The following ZBTB10 variants were observed in gnomAD, a reference collection of about 807,000 sequenced individuals.
ZBTB10 encodes zinc finger and BTB domain containing 10, also known as zinc finger and BTB domain-containing protein 10.
A neutral mutation model predicts 76.4 loss-of-function variants in ZBTB10; 32 were observed. The ratio of observed to expected loss-of-function variants is 0.42; its 90% CI spans 0.32 to 0.56. The LOEUF is 0.56. Ranked by LOEUF, ZBTB10 falls within the 20% of genes least tolerant of loss-of-function variation. The pLI, the probability that ZBTB10 is intolerant of heterozygous loss-of-function variation, is 0.14. For synonymous variants in ZBTB10, 523 were observed against 432.9 expected (o/e 1.21, Z -2.58); for missense variants, 1,057 against 1,098.5 (o/e 0.96, Z 0.53).
rs906353946 is a variant in ZBTB10 at position 80,520,290 on chromosome 8, T to A, written c.*762T>A. On this transcript the variant is annotated 3_prime_UTR_variant, in exon 6 of 6. Coordinates refer to ENST00000455036, the MANE Select transcript of ZBTB10 (RefSeq NM_001105539.3). ...AGTTGACAAATACCACTAAAATGAT[T>A]ATGATTTAGAAGTAACTTTCTTCTG... The A allele has an allele frequency of 2.0e-5, 3 of 152,530 alleles. No homozygotes were observed. The highest frequency in any genetic ancestry group is 4.4e-5 in the Non-Finnish European group (3 of 67,982). 9.4% of individuals were successfully genotyped at this position (152,530 alleles called of 1,614,324 possible).
At position 80,487,343 on chromosome 8, in the gene ZBTB10, C is replaced by T. The variant is rs1220640158; in HGVS notation, c.533C>T (p.Ala178Val). 3 of 1,529,944 alleles carry T rather than the reference C, an allele frequency of 2.0e-6. No individual in the cohort carries two copies. The highest frequency in any genetic ancestry group is 4.1e-5 in the Admixed American group (2 of 49,048). 94.8% of individuals were successfully genotyped at this position (1,529,944 alleles called of 1,614,324 possible). ...GGGAAGGAGTTGATGCAGGACGGCG[C>T]GTCCCTGAGCGACAGCACCGAGGAC... ...LEGKELMQDG[A>V]SLSDSTEDEE... is the part of the protein sequence containing the mutation. Residue 178 changes from alanine (A) to valine (V), a missense_variant, in exon 1 of 6, where the codon GCG becomes GTG. Physicochemically the swap from Ala to Val is moderately conservative, Grantham distance 64. Coordinates refer to ENST00000455036, the MANE Select transcript of ZBTB10 (RefSeq NM_001105539.3).
At chr8:80,507,752 C>T (rs1816096721) in intron 2 of ZBTB10, among the ~76,000 whole-genome samples, 1 of 152,092 alleles carries the variant, frequency 6.6e-6, no homozygotes, top group African/African-American at 2.4e-5. Context: ...TGGGCCACCA[C>T]TCTTGGCTAA....
Position 80,487,392 on chromosome 8 carries a change from C to T in ZBTB10, c.582C>T (p.Gly194=). The change falls in exon 1 of 6, where the codon GGC becomes GGT. Residue 194 remains glycine, a synonymous_variant. Coordinates refer to ENST00000455036, the MANE Select transcript of ZBTB10 (RefSeq NM_001105539.3). ...ACGAGGAGGAGGGGGCGAGCCTGGG[C>T]GACGGCAGCGGGGCGGAAGGCGGCA... The part of the protein sequence containing the change: ...TEDEEEGASL[G]DGSGAEGGSC... The T allele has an allele frequency of 2.6e-6, 4 of 1,532,896 alleles. No homozygotes were observed. The highest frequency in any genetic ancestry group is 2.7e-5 in the African/African-American group (2 of 72,764). The allele number at this position is 1,532,896 out of a possible 1,614,324, so 95.0% of individuals were successfully genotyped here.
chr8:80,497,523 G>T (rs909392203), intron 1 of ZBTB10, among the ~76,000 whole-genome samples: 2 of 151,840 alleles, frequency 1.3e-5, no homozygotes, highest in Admixed American at 1.3e-4. Flanking sequence ...TATGCACTTG[G>T]CACAAGAAGG....
Position 80,486,304 on chromosome 8 carries a change from G to T in ZBTB10, c.-507G>T. 9.9e-7 allele frequency: 1 copy of T among 1,009,840 alleles called. No individual in the cohort carries two copies. The highest frequency in any genetic ancestry group is 1.2e-6 in the Non-Finnish European group (1 of 846,994). 62.6% of individuals were successfully genotyped at this position (1,009,840 alleles called of 1,614,324 possible). A position where few individuals can be genotyped will look rare whatever the true frequency, so the allele number is the denominator to read the frequency against. On this transcript the variant is annotated 5_prime_UTR_variant, in exon 1 of 6. Coordinates refer to ENST00000455036, the MANE Select transcript of ZBTB10 (RefSeq NM_001105539.3). ...TTTATTGTCGCTTCGTTATGTGGCGGAGCCGAGCAGTTTAGCGTGCCTCTC... is the reference window on the plus strand; with the variant it reads ...TTTATTGTCGCTTCGTTATGTGGCGTAGCCGAGCAGTTTAGCGTGCCTCTC...
At chr8:80,493,071 A>G (rs1465637238) in intron 1 of ZBTB10, among the ~76,000 whole-genome samples, 13 of 151,674 alleles carry the variant, frequency 8.6e-5, no homozygotes, top group Admixed American at 8.5e-4. Flanking sequence ...AAAATAAGCC[A>G]GGCGTGGTGG....
At chr8:80,517,358 A>G (rs1049615169) in intron 3 of ZBTB10, among the ~76,000 whole-genome samples, 8 of 152,178 alleles carry the variant, frequency 5.3e-5, no homozygotes, top group African/African-American at 1.4e-4. Context: ...ATATATTCCT[A>G]TTGCCAAAAG....
chr8:80,486,606 A>C lies in ZBTB10; in HGVS notation c.-205A>C. On this transcript the variant is annotated 5_prime_UTR_variant, in exon 1 of 6. Coordinates refer to ENST00000455036, the MANE Select transcript of ZBTB10 (RefSeq NM_001105539.3). ...GAGCGGTCGGAGGCGTCGGCCCGGC[A>C]GCGGCAGCGGCAGCGGACGCGTGCA... is the stretch of plus-strand genomic sequence containing the variant. The C allele has an allele frequency of 5.1e-6, 5 of 986,166 alleles. No homozygotes were observed. The highest frequency in any genetic ancestry group is 6.0e-6 in the Non-Finnish European group (5 of 831,034). 61.1% of individuals were successfully genotyped at this position (986,166 alleles called of 1,614,324 possible).
chr8:80,518,760 T>C (rs978220881), intron 4 of ZBTB10, 22 bp from the exon 5 acceptor site: 13 of 1,588,088 alleles, frequency 8.2e-6, no homozygotes, highest in Non-Finnish European at 1.1e-5. Flanking sequence ...ATAAGCACTT[T>C]CTCTTTTTTT....
At chr8:80,492,189 T>C (rs1160201223) in intron 1 of ZBTB10, among the ~76,000 whole-genome samples, 1 of 152,248 alleles carries the variant, frequency 6.6e-6, no homozygotes, top group Non-Finnish European at 1.5e-5. Context: ...ACATTATTTA[T>C]AATTTATTCT....
Position 80,486,920 on chromosome 8 carries a change from C to A in ZBTB10, c.110C>A (p.Ala37Asp), listed in dbSNP as rs1163628523. Residue 37 changes from alanine to aspartate, a missense_variant, in exon 1 of 6, where the codon GCT becomes GAT. By Grantham distance (126) the Ala-to-Asp change is moderately radical. Around this residue, in one of 5 missense-constraint regions of ZBTB10, gnomAD observed 556 missense variants for 451.7 expected, o/e 1.23. Transcript: ENST00000455036. ...TNNNAGGEAS[A>D]WPPQPQPRQP... ...AATAACGCTGGCGGGGAGGCCTCAG[C>A]TTGGCCTCCGCAGCCCCAGCCGAGA... is the stretch of plus-strand genomic sequence containing the variant. The A allele has an allele frequency of 1.3e-6, 2 of 1,508,508 alleles. No individual in the cohort carries two copies. The highest frequency in any genetic ancestry group is 2.1e-5 in the Admixed American group (1 of 47,890). 93.4% of individuals were successfully genotyped at this position (1,508,508 alleles called of 1,614,324 possible).
intron 3 of ZBTB10, among the ~76,000 whole-genome samples, chr8:80,515,539 A>G (rs192735115): frequency 6.6e-6 from 1 of 152,366 alleles, no homozygotes; most frequent in East Asian, 1.9e-4. Flanking sequence ...TTGCTCGTAC[A>G]GAAAGTTGCT....
At position 80,522,222 on chromosome 8, in the gene ZBTB10, TGATA is replaced by T. The variant is rs1816463287; in HGVS notation, c.*2699_*2702del. 1 of 151,906 alleles carries T rather than the reference TGATA, an allele frequency of 6.6e-6. No homozygotes were observed. Among genetic ancestry groups the T allele is most frequent in the African/African-American group, 2.4e-5 (1 of 41,428 alleles). The allele number at this position is 151,906 out of a possible 1,614,324, so 9.4% of individuals were successfully genotyped here. On this transcript the variant is annotated 3_prime_UTR_variant, in exon 6 of 6. Coordinates refer to ENST00000455036, the MANE Select transcript of ZBTB10 (RefSeq NM_001105539.3). ...GACTTACAGTAAAATTTCAGGAAGT[TGATA>T]GATACTAAGAACTTATGATTGGTCT...
rs1816545772 is a variant in ZBTB10 at position 80,525,565 on chromosome 8, T to C, written c.*6037T>C. 1 of 152,146 alleles carries C rather than the reference T, an allele frequency of 6.6e-6. No homozygotes were observed. The highest frequency in any genetic ancestry group is 1.9e-4 in the East Asian group (1 of 5,198). The allele number at this position is 152,146 out of a possible 1,614,324, so 9.4% of individuals were successfully genotyped here. ...ACATAAGATGGTTTCAGGATTATTG[T>C]AGAATTATTTAGGTTGAAAGAGACT... On this transcript the variant is annotated 3_prime_UTR_variant, in exon 6 of 6. Transcript: ENST00000455036.
Position 80,486,397 on chromosome 8 carries a change from GT to G in ZBTB10, c.-413del. 1.0e-6 allele frequency: 1 copy of G among 988,488 alleles called. No individual in the cohort carries two copies. The highest frequency in any genetic ancestry group is 1.2e-6 in the Non-Finnish European group (1 of 832,612). 61.2% of individuals were successfully genotyped at this position (988,488 alleles called of 1,614,324 possible). On this transcript the variant is annotated 5_prime_UTR_variant, in exon 1 of 6. Transcript: ENST00000455036. ...CGGCGCGCGGAGGAAGGATATCTGT[GT>G]GGAGGATCGGTGTGTGCGCGCGCGG...
In ZBTB10 at chr8:80,499,554, T is replaced by C; in HGVS notation, c.1033T>C (p.Ser345Pro). 1 of 1,613,920 alleles carries C rather than the reference T, an allele frequency of 6.2e-7. No homozygotes were observed. The highest frequency in any genetic ancestry group is 8.5e-7 in the Non-Finnish European group (1 of 1,179,844). The change falls in exon 2 of 6, where the codon TCT becomes CCT. Residue 345 changes from serine to proline, a missense_variant. Around this residue, in one of 5 missense-constraint regions of ZBTB10, gnomAD observed 86 missense variants for 145.7 expected, o/e 0.59. Transcript: ENST00000455036. ...CDFNSRPNEN[S>P]YCYQLLRQLN... ...CTTTAATAGTAGGCCAAATGAGAAC[T>C]CTTATTGCTATCAACTTCTGCGACA...
Position 80,499,869 on chromosome 8 carries a change from G to A in ZBTB10, c.1348G>A (p.Glu450Lys). ...MTVASYLQMS[E>K]VVQTCRNFIK... ...CGTGGCCAGCTATCTTCAAATGAGT[G>A]AAGTTGTTCAAACTTGCCGAAATTT... is the stretch of plus-strand genomic sequence containing the variant. Residue 450 changes from glutamate to lysine, a missense_variant, in exon 2 of 6, where the codon GAA becomes AAA. Transcript: ENST00000455036. 6.2e-7 allele frequency: 1 copy of A among 1,613,930 alleles called. No individual in the cohort carries two copies. The highest frequency in any genetic ancestry group is 8.5e-7 in the Non-Finnish European group (1 of 1,179,858).
Position 80,486,791 on chromosome 8 carries a change from C to CGGT in ZBTB10, c.-18_-17insTGG, listed in dbSNP as rs2131465489. 7.2e-7 allele frequency: 1 copy of CGGT among 1,394,732 alleles called. No homozygotes were observed. Among genetic ancestry groups the CGGT allele is most frequent in the Non-Finnish European group, 9.3e-7 (1 of 1,079,258 alleles). 86.4% of individuals were successfully genotyped at this position (1,394,732 alleles called of 1,614,324 possible). The stretch of plus-strand genomic sequence containing the variant: ...GTGCGCGAGCCGGGGCACCGGGCGG[C>CGGT]GGCGGCGGCGGCGCGCGCCATGTCG... On this transcript the variant is annotated 5_prime_UTR_variant, in exon 1 of 6. Transcript: ENST00000455036.
Position 80,522,255 on chromosome 8 carries a change from A to C in ZBTB10, c.*2727A>C, listed in dbSNP as rs1343037414. The C allele has an allele frequency of 2.6e-5, 4 of 151,916 alleles. No homozygotes were observed. The highest frequency in any genetic ancestry group is 1.3e-4 in the Admixed American group (2 of 15,228). 9.4% of individuals were successfully genotyped at this position (151,916 alleles called of 1,614,324 possible). On this transcript the variant is annotated 3_prime_UTR_variant, in exon 6 of 6. Transcript: ENST00000455036. ...ACTAAGAACTTATGATTGGTCTCAGAGGTAACAATGAAATACTCATAATTT... is the reference window on the plus strand; with the variant it reads ...ACTAAGAACTTATGATTGGTCTCAGCGGTAACAATGAAATACTCATAATTT...
Sources: allele counts gnomAD v4.1 joint callset (sites outside exome capture counted in the v4.1 genomes callset), GRCh38; gene constraint gnomAD v4.1.1; regional missense constraint gnomAD v4.1.1; transcripts MANE v1.5; gene names NCBI Gene and HGNC (gene_info 2026-07-23, HGNC 2026-07-21).